Variants in PLCB4 observed in about 807,000 individuals in gnomAD.
PLCB4 encodes the protein phospholipase C beta 4.
Under a neutral mutation model 178.8 loss-of-function variants are expected in PLCB4, and 77 were observed. The observed-to-expected ratio is 0.43, with a 90% confidence interval of 0.36 to 0.52. PLCB4 has a LOEUF of 0.52. Ranked by LOEUF, PLCB4 falls within the 20% of genes least tolerant of loss-of-function variation. The probability of loss-of-function intolerance (pLI) is 0.00; values close to 1 mark genes in which losing one functional copy is unlikely to be tolerated. For missense variants in PLCB4, 1,024 were observed against 1,453.4 expected (o/e 0.70, Z 4.80); for synonymous variants, 496 against 490.8 (o/e 1.01, Z -0.14).
intron 32 of PLCB4, among the ~76,000 whole-genome samples, chr20:9,452,742 T>C (rs763979046): frequency 6.6e-6 from 1 of 152,326 alleles, no homozygotes; most frequent in East Asian, 1.9e-4. Context: ...CTGAACACTT[T>C]ATCCTCATAA....
chr20:9,136,727 C>T (rs2092391744), intron 2 of PLCB4, among the ~76,000 whole-genome samples: 1 of 152,052 alleles, frequency 6.6e-6, no homozygotes, highest in South Asian at 2.1e-4. Flanking sequence ...AACACCTTGT[C>T]TTTGCTCTTT....
chr20:9,131,136 A>T (rs1320599143), intron 2 of PLCB4, among the ~76,000 whole-genome samples: 1 of 152,120 alleles, frequency 6.6e-6, no homozygotes, highest in Non-Finnish European at 1.5e-5. Context: ...TGTTCTGAAG[A>T]TACCTGAGAA....
chr20:9,225,323 A>G (rs2093849960), intron 3 of PLCB4, among the ~76,000 whole-genome samples: 1 of 152,206 alleles, frequency 6.6e-6, no homozygotes, highest in South Asian at 2.1e-4. Flanking sequence ...CAAAATGTTC[A>G]TTTCCTACTT....
chr20:9,326,885 A>G (rs998313347), intron 4 of PLCB4, among the ~76,000 whole-genome samples: 3 of 152,126 alleles, frequency 2.0e-5, no homozygotes, highest in African/African-American at 7.2e-5. Flanking sequence ...AGCTCACTGG[A>G]AATAGACATG....
intron 33 of PLCB4, among the ~76,000 whole-genome samples, chr20:9,455,167 C>T (rs931223265): frequency 2.0e-5 from 3 of 152,150 alleles, no homozygotes; most frequent in African/African-American, 4.8e-5. Flanking sequence ...TAGACAGACT[C>T]TAATACCAAG....
chr20:9,334,480 A>G (rs2032163931), intron 4 of PLCB4, among the ~76,000 whole-genome samples: 1 of 152,162 alleles, frequency 6.6e-6, no homozygotes, highest in South Asian at 2.1e-4. Flanking sequence ...ATTAAACGTC[A>G]CTGTTGACTA....
intron 3 of PLCB4, among the ~76,000 whole-genome samples, chr20:9,283,450 G>A (rs1236013158): frequency 6.6e-6 from 1 of 151,784 alleles, no homozygotes; most frequent in Non-Finnish European, 1.5e-5. Context: ...TTTGGGGGAC[G>A]GTTTTATGAA....
chr20:9,224,177 A>T (rs1045633800), intron 3 of PLCB4, among the ~76,000 whole-genome samples: 26 of 152,272 alleles, frequency 1.7e-4, no homozygotes, highest in African/African-American at 5.5e-4. Context: ...TTTTTGGGCA[A>T]TATCATCTGC....
At chr20:9,425,735 C>T (rs567128233) in intron 28 of PLCB4, among the ~76,000 whole-genome samples, 6 of 152,264 alleles carry the variant, frequency 3.9e-5, no homozygotes, top group East Asian at 3.9e-4. Context: ...ATTCTGCAGT[C>T]GATGCCTTAA....
intron 26 of PLCB4, among the ~76,000 whole-genome samples, 194 bp downstream of exon 26, chr20:9,420,103 T>C (rs1380956852): frequency 1.3e-5 from 2 of 152,134 alleles, no homozygotes; most frequent in African/African-American, 2.4e-5. Flanking sequence ...AAGTGAAAGA[T>C]ACCATCAAAA....
chr20:9,263,391 T>A (rs1569037412), intron 3 of PLCB4, among the ~76,000 whole-genome samples: 1 of 152,200 alleles, frequency 6.6e-6, no homozygotes, highest in Admixed American at 6.5e-5. Flanking sequence ...TTTTCTTTTC[T>A]ACCAACAAGA....
chr20:9,085,067 A>AAAAAAAAG (rs10626848), intron 1 of PLCB4, among the ~76,000 whole-genome samples: 1 of 143,406 alleles, frequency 7.0e-6, no homozygotes, highest in Non-Finnish European at 1.5e-5. Flanking sequence ...AAAAAAAAAA[A>AAAAAAAAG]AGAATATATT....
chr20:9,451,426 T>C (rs2042765260), intron 32 of PLCB4, among the ~76,000 whole-genome samples: 1 of 152,224 alleles, frequency 6.6e-6, no homozygotes, highest in Non-Finnish European at 1.5e-5. Flanking sequence ...TGATATATTT[T>C]GAGACCTGCA....
chr20:9,335,590 T>G (rs748440300), intron 4 of PLCB4, among the ~76,000 whole-genome samples: 13 of 152,224 alleles, frequency 8.5e-5, no homozygotes, highest in Admixed American at 1.3e-4. Flanking sequence ...GAGCTATTAC[T>G]TGCTGAATTG....
intron 1 of PLCB4, among the ~76,000 whole-genome samples, chr20:9,076,107 GCAAATACA>G (rs2089850241): frequency 6.6e-6 from 1 of 151,926 alleles, no homozygotes; most frequent in African/African-American, 2.4e-5. Flanking sequence ...CAAGCTGTTG[GCAAATACA>G]CAAAGTTGAG....
At chr20:9,106,268 G>GT (rs2091358013) in intron 2 of PLCB4, among the ~76,000 whole-genome samples, 2 of 151,524 alleles carry the variant, frequency 1.3e-5, no homozygotes, top group Non-Finnish European at 1.5e-5. Flanking sequence ...AGTAATTGTG[G>GT]TTTTTTGCAT....
intron 1 of PLCB4, among the ~76,000 whole-genome samples, chr20:9,087,745 A>G (rs950886039): frequency 6.6e-6 from 1 of 152,208 alleles, no homozygotes; most frequent in Non-Finnish European, 1.5e-5. Flanking sequence ...TTTCAAGGCC[A>G]GTTCTTTCTC....
intron 2 of PLCB4, among the ~76,000 whole-genome samples, chr20:9,114,795 C>A (rs1249160388): frequency 6.6e-6 from 1 of 152,142 alleles, no homozygotes; most frequent in Non-Finnish European, 1.5e-5. Context: ...TCCTAAGATG[C>A]CTGAGTAACG....
intron 2 of PLCB4, among the ~76,000 whole-genome samples, chr20:9,134,579 G>T (rs2092344138): frequency 6.6e-6 from 1 of 152,048 alleles, no homozygotes; most frequent in Admixed American, 6.6e-5. Flanking sequence ...TGCCCAGAAA[G>T]ACACAAAATT....
Sources: allele counts gnomAD v4.1 joint callset (sites outside exome capture counted in the v4.1 genomes callset), GRCh38; gene constraint gnomAD v4.1.1; transcripts MANE v1.5; gene names NCBI Gene and HGNC (gene_info 2026-07-23, HGNC 2026-07-21).